UBXN2A: variants seen among roughly 807,000 people sequenced by gnomAD.
The protein encoded by UBXN2A is UBX domain protein 2A.
A neutral mutation model predicts 28.4 loss-of-function variants in UBXN2A; 28 were observed. That is an observed-to-expected ratio of 0.99 (90% CI 0.73 to 1.35). The LOEUF (loss-of-function observed/expected upper bound fraction) is 1.35. Among genes scored for constraint, UBXN2A ranks in the 40% most tolerant of loss-of-function variants. UBXN2A has a pLI of 0.00. For synonymous variants in UBXN2A, 97 were observed against 103.6 expected, an observed-to-expected ratio of 0.94 and a Z score of 0.39; for missense variants, 253 against 297.9, an observed-to-expected ratio of 0.85 and a Z score of 1.11.
chr2:23,980,259 T>G (rs986166679), intron 4 of UBXN2A, among the ~76,000 whole-genome samples: 2 of 152,168 alleles, frequency 1.3e-5, no homozygotes, highest in East Asian at 3.9e-4. Flanking sequence ...CTATGAACAT[T>G]TATATACAAG....
At chr2:23,935,768 C>G (rs2176265), upstream of UBXN2A, among the ~76,000 whole-genome samples, 28,676 of 152,018 alleles carry the variant, frequency 0.19, 2,818 homozygotes, top group Middle Eastern at 0.26. Flanking sequence ...AAATTGAAAA[C>G]GCCAGGCACG....
upstream of UBXN2A, among the ~76,000 whole-genome samples, chr2:23,937,553 A>T (rs1197397835): frequency 6.6e-6 from 1 of 152,146 alleles, no homozygotes; most frequent in Admixed American, 6.6e-5. Context: ...TGAATTCAGC[A>T]AAGTTGTTAG....
Position 24,001,507 on chromosome 2 carries a change from A to G in UBXN2A, c.*1640A>G. 1 of 152,094 alleles carries G rather than the reference A, an allele frequency of 6.6e-6. No individual in the cohort carries two copies. The highest frequency in any genetic ancestry group is 1.5e-5 in the Non-Finnish European group (1 of 68,010). 9.4% of individuals were successfully genotyped at this position (152,094 alleles called of 1,614,324 possible). ...GAATCAGATTTAAAATGAAGCATGC[A>G]TTGAGTGTGCCAAGGAACTAAGTGG... On this transcript the variant is annotated 3_prime_UTR_variant, in exon 7 of 7. Coordinates refer to ENST00000309033, the MANE Select transcript of UBXN2A (RefSeq NM_181713.4).
At chr2:23,957,597 G>A (rs1012134394) in intron 1 of UBXN2A, among the ~76,000 whole-genome samples, 9 of 152,042 alleles carry the variant, frequency 5.9e-5, no homozygotes, top group African/African-American at 2.2e-4. Context: ...GACTTTGAGA[G>A]GCCGAGGCAG....
At position 24,001,906 on chromosome 2, in the gene UBXN2A, A is replaced by G. The variant is rs1366053509; in HGVS notation, c.*2039A>G. The G allele has an allele frequency of 6.6e-6, 1 of 151,868 alleles. No homozygotes were observed. The highest frequency in any genetic ancestry group is 1.5e-5 in the Non-Finnish European group (1 of 67,974). 9.4% of individuals were successfully genotyped at this position (151,868 alleles called of 1,614,324 possible). On this transcript the variant is annotated 3_prime_UTR_variant, in exon 7 of 7. Transcript: ENST00000309033. ...AACCCGGGAGGTGGAGGTTTCAGTG[A>G]GCCGAGATTGCGCCCCTGCACTCCA...
chr2:23,950,498 G>C lies in UBXN2A; in HGVS notation c.-14-7803G>C, dbSNP rs552177249. The stretch of plus-strand genomic sequence containing the variant: ...GGCTCACTGCGACCTCCGACTCCTG[G>C]GTTCCAGCAATTCTCCCACCTCAGC... On this transcript the variant is annotated intron_variant, in intron 1 of 6. Transcript: ENST00000309033. Among the ~76,000 whole-genome samples, 29 of 152,040 alleles carry C rather than the reference G, an allele frequency of 1.9e-4. No individual in the cohort carries two copies. The South Asian group carries it at 5.8e-3, about 30-fold the overall frequency.
intron 2 of UBXN2A, among the ~76,000 whole-genome samples, chr2:23,967,136 C>G (rs1187174056): frequency 6.6e-6 from 1 of 152,148 alleles, no homozygotes; most frequent in Non-Finnish European, 1.5e-5. Flanking sequence ...CTCCACTCCA[C>G]TCCACTCTAC....
upstream of UBXN2A, among the ~76,000 whole-genome samples, chr2:23,937,563 G>A (rs1461429430): frequency 6.6e-6 from 1 of 151,944 alleles, no homozygotes; most frequent in African/African-American, 2.4e-5. Context: ...AAAGTTGTTA[G>A]ATACAAGATC....
At chr2:23,942,284 G>C (rs1298866952) in intron 1 of UBXN2A, among the ~76,000 whole-genome samples, 7 of 152,108 alleles carry the variant, frequency 4.6e-5, no homozygotes, top group African/African-American at 1.7e-4. Flanking sequence ...AAGGAGAGAA[G>C]AAAGGCTCAG....
intron 1 of UBXN2A, among the ~76,000 whole-genome samples, chr2:23,930,369 A>G (rs537923691): frequency 6.6e-6 from 1 of 152,184 alleles, no homozygotes; most frequent in Non-Finnish European, 1.5e-5. Flanking sequence ...ACGTTTAAAA[A>G]TCCTCAAAGA....
Position 23,971,328 on chromosome 2 carries a change from A to T in UBXN2A, c.94A>T (p.Asn32Tyr), listed in dbSNP as rs755978240. Residue 32 changes from asparagine (N) to tyrosine (Y), a missense_variant, in exon 3 of 7, where the codon AAT becomes TAT. Physicochemically the swap from Asn to Tyr is moderately radical, Grantham distance 143. Coordinates refer to ENST00000309033, the MANE Select transcript of UBXN2A (RefSeq NM_181713.4). ...NQPLGNNQQS[N>Y]CEYFVDSLFE... ...ACCTCTTGGTAATAATCAACAATCA[A>T]ATTGTGAATATTTTGTTGATAGCCT... 5.1e-6 allele frequency: 8 copies of T among 1,577,834 alleles called. No homozygotes were observed. In the East Asian group the frequency reaches 1.8e-4, roughly 36 times the overall value.
At chr2:23,984,894 T>C (rs1317123229) in intron 6 of UBXN2A, 63 bp downstream of exon 6, 2 of 1,500,482 alleles carry the variant, frequency 1.3e-6, no homozygotes, top group Non-Finnish European at 1.8e-6. Flanking sequence ...TTTTTCTTTT[T>C]GGTTCAGTCA....
At chr2:23,951,263 A>G (rs571382964) in intron 1 of UBXN2A, among the ~76,000 whole-genome samples, 1 of 151,936 alleles carries the variant, frequency 6.6e-6, no homozygotes, top group Non-Finnish European at 1.5e-5. Context: ...TATAATGTCC[A>G]AAAGAGCTGG....
intron 1 of UBXN2A, among the ~76,000 whole-genome samples, chr2:23,947,483 C>CT (rs1035478699): frequency 6.6e-6 from 1 of 152,032 alleles, no homozygotes; most frequent in Non-Finnish European, 1.5e-5. Flanking sequence ...TGTCAGATGG[C>CT]TTTTTTTATT....
At chr2:23,947,023 G>A (rs1706120765) in intron 1 of UBXN2A, among the ~76,000 whole-genome samples, 1 of 151,766 alleles carries the variant, frequency 6.6e-6, no homozygotes, top group Non-Finnish European at 1.5e-5. Context: ...GACTAGCCAG[G>A]ACTACAGACG....
At chr2:23,989,367 A>G (rs757818250) in intron 6 of UBXN2A, among the ~76,000 whole-genome samples, 1 of 147,990 alleles carries the variant, frequency 6.8e-6, no homozygotes, top group African/African-American at 2.5e-5. Flanking sequence ...GTAGTGGTAT[A>G]ATTACAGATC....
intron 2 of UBXN2A, among the ~76,000 whole-genome samples, chr2:23,969,912 A>G (rs1463795172): frequency 1.3e-5 from 2 of 152,334 alleles, no homozygotes; most frequent in East Asian, 3.9e-4. Flanking sequence ...TTCCTGATGC[A>G]TTATCCCCTT....
chr2:23,971,338 AT>A lies in UBXN2A; in HGVS notation c.108del (p.Phe36LeufsTer26). 6.3e-7 allele frequency: 1 copy of A among 1,579,868 alleles called. No homozygotes were observed. The highest frequency in any genetic ancestry group is 8.7e-7 in the Non-Finnish European group (1 of 1,154,664). On this transcript the variant is annotated frameshift_variant, in exon 3 of 7. Transcript: ENST00000309033. LOFTEE classifies it high-confidence loss of function. The part of the protein sequence containing the change: ...LGNNQQSNCE[Y>X]FVDSLFEEAQ... ...AATAATCAACAATCAAATTGTGAAT[AT>A]TTTGTTGATAGCCTTTTTGAGGAAG...
At chr2:23,971,209 G>A in intron 2 of UBXN2A, 67 bp from the exon 3 acceptor site, 4 of 1,426,700 alleles carry the variant, frequency 2.8e-6, no homozygotes, top group Non-Finnish European at 3.7e-6. Flanking sequence ...TCCTTAACTA[G>A]AACAAAATAA....
Sources: gnomAD v4.1 joint callset for allele counts (sites outside exome capture counted in the v4.1 genomes callset) on GRCh38, gnomAD v4.1.1 for gene constraint, MANE v1.5 for transcripts, NCBI Gene and HGNC (gene_info 2026-07-23, HGNC 2026-07-21) for gene names.